GPAT4: variants seen among roughly 807,000 people sequenced by gnomAD.
GPAT4 encodes the protein 1-AGP acyltransferase 6.
In GPAT4, 17 loss-of-function variants were observed where a neutral mutation model predicts 58.0. That is an observed-to-expected ratio of 0.29 (90% CI 0.20 to 0.44). The LOEUF is 0.44. GPAT4 is among the 20% of genes least tolerant of loss of function. The pLI is 1.00. For missense variants in GPAT4, 377 were observed against 574.5 expected, an observed-to-expected ratio of 0.66 and a Z score of 3.51; for synonymous variants, 204 against 210.1, an observed-to-expected ratio of 0.97 and a Z score of 0.25.
chr8:41,581,584 C>T (rs62509797), intron 1 of GPAT4, among the ~76,000 whole-genome samples: 21,086 of 148,332 alleles, frequency 0.14, 1,577 homozygotes, highest in Middle Eastern at 0.21. Context: ...CCCAAAGGGT[C>T]GGAATTACAG....
chr8:41,609,330 G>A, intron 2 of GPAT4, 86 bp from the exon 3 acceptor site: 3 of 1,385,008 alleles, frequency 2.2e-6, no homozygotes, highest in African/African-American at 1.4e-5. Context: ...TGGGACTGAG[G>A]CTTTCACAGA....
chr8:41,622,624 G>A lies in GPAT4; in HGVS notation c.*1623G>A, dbSNP rs1219524422. 1.3e-5 allele frequency: 2 copies of A among 152,370 alleles called. No homozygotes were observed. The highest frequency in any genetic ancestry group is 2.4e-5 in the African/African-American group (1 of 41,454). 9.4% of individuals were successfully genotyped at this position (152,370 alleles called of 1,614,324 possible). ...GGCCTGCAGTTCAGGGAGTGGGTGG[G>A]AGTGAAGCTGTGCTCCTGGGGCTGC... On this transcript the variant is annotated 3_prime_UTR_variant, in exon 13 of 13. Coordinates refer to ENST00000396987, the MANE Select transcript of GPAT4 (RefSeq NM_178819.4).
chr8:41,603,748 T>C (rs1803171608), intron 2 of GPAT4, among the ~76,000 whole-genome samples: 1 of 152,030 alleles, frequency 6.6e-6, no homozygotes, highest in African/African-American at 2.4e-5. Context: ...CTCAGGCCGC[T>C]TGCCCCTGGA....
chr8:41,585,054 C>G (rs1204313533), intron 1 of GPAT4: 1 of 152,234 alleles, frequency 6.6e-6, no homozygotes, highest in Non-Finnish European at 1.5e-5. Context: ...GCTCTGAGAG[C>G]TGCCCTGTTT....
In GPAT4 at chr8:41,621,073, C is replaced by A; in HGVS notation, c.*72C>A. ...TCAGAGCTGGAGTTGCCGCCGCCGC[C>A]CCCACTGCTGTGTCCTTTCCAGACT... On this transcript the variant is annotated 3_prime_UTR_variant, in exon 13 of 13. Transcript: ENST00000396987. 1 of 1,538,232 alleles carries A rather than the reference C, an allele frequency of 6.5e-7. No homozygotes were observed.
At chr8:41,580,812 G>T (rs1187964167) in intron 1 of GPAT4, among the ~76,000 whole-genome samples, 1 of 152,202 alleles carries the variant, frequency 6.6e-6, no homozygotes, top group South Asian at 2.1e-4. Context: ...GAGGAGGGAG[G>T]AGGAGGCAAC....
In GPAT4 at chr8:41,624,862, T is replaced by TA. The variant is rs1265051836; in HGVS notation, c.*3862dup. ...TGGCTGCCGGGGGGTGGGCTTCTCA[T>TA]ATGCATTCTGGCCGGCCAGCTGCAT... On this transcript the variant is annotated 3_prime_UTR_variant, in exon 13 of 13. Coordinates refer to ENST00000396987, the MANE Select transcript of GPAT4 (RefSeq NM_178819.4). 2.0e-5 allele frequency: 3 copies of TA among 152,194 alleles called. No individual in the cohort carries two copies. The highest frequency in any genetic ancestry group is 7.2e-5 in the African/African-American group (3 of 41,448). 9.4% of individuals were successfully genotyped at this position (152,194 alleles called of 1,614,324 possible). A position where few individuals can be genotyped will look rare whatever the true frequency, so the allele number is the denominator to read the frequency against.
At chr8:41,601,802 A>G (rs577086343) in intron 2 of GPAT4, among the ~76,000 whole-genome samples, 1 of 152,368 alleles carries the variant, frequency 6.6e-6, no homozygotes, top group Non-Finnish European at 1.5e-5. Context: ...ATTATTTAAA[A>G]TGTACATCCC....
chr8:41,591,001 T>C (rs1378703059), intron 1 of GPAT4, among the ~76,000 whole-genome samples: 2 of 152,174 alleles, frequency 1.3e-5, no homozygotes. Flanking sequence ...GAAAGGGTTT[T>C]ATTCAGCTGG....
intron 1 of GPAT4, among the ~76,000 whole-genome samples, chr8:41,588,415 T>C (rs1472275644): frequency 2.0e-5 from 3 of 152,086 alleles, no homozygotes; most frequent in South Asian, 2.1e-4. Flanking sequence ...TGGGAGAGAA[T>C]TGGTATAGAT....
intron 1 of GPAT4, among the ~76,000 whole-genome samples, chr8:41,591,279 G>A (rs7823230): frequency 0.23 from 35,260 of 152,046 alleles, 4,140 homozygotes; most frequent in East Asian, 0.29. Context: ...TAACTACCAG[G>A]CCCAGGGTGT....
intron 2 of GPAT4, among the ~76,000 whole-genome samples, chr8:41,605,064 G>A (rs1398337123): frequency 6.6e-6 from 1 of 152,182 alleles, no homozygotes; most frequent in African/African-American, 2.4e-5. Context: ...AATAGCTCCA[G>A]GTTTTGTCAT....
intron 8 of GPAT4, among the ~76,000 whole-genome samples, chr8:41,613,577 C>T (rs1803506168): frequency 6.6e-6 from 1 of 152,110 alleles, no homozygotes; most frequent in Non-Finnish European, 1.5e-5. Context: ...GCCCTGTTTT[C>T]AAACTTTAAG....
At chr8:41,605,065 G>T (rs1337693481) in intron 2 of GPAT4, among the ~76,000 whole-genome samples, 1 of 152,168 alleles carries the variant, frequency 6.6e-6, no homozygotes, top group Non-Finnish European at 1.5e-5. Flanking sequence ...ATAGCTCCAG[G>T]TTTTGTCATT....
chr8:41,610,373 C>G lies in GPAT4; in HGVS notation c.537-363C>G. Reference sequence around the variant, plus strand: ...ATGCTAATACCTTCAAGCTCCACCTCCTGTTGCTTCAGAGGGAAGCTGTGC... The same window carrying G: ...ATGCTAATACCTTCAAGCTCCACCTGCTGTTGCTTCAGAGGGAAGCTGTGC... On this transcript the variant is annotated intron_variant, in intron 4 of 12. Coordinates refer to ENST00000396987, the MANE Select transcript of GPAT4 (RefSeq NM_178819.4). 2.4e-6 allele frequency: 3 copies of G among 1,227,656 alleles called. No homozygotes were observed. In the South Asian group the frequency reaches 5.1e-5, roughly 21 times the overall value. 76.0% of individuals were successfully genotyped at this position (1,227,656 alleles called of 1,614,324 possible).
intron 2 of GPAT4, among the ~76,000 whole-genome samples, chr8:41,600,985 C>G (rs565673543): frequency 5.9e-5 from 9 of 152,086 alleles, no homozygotes; most frequent in Non-Finnish European, 1.3e-4. Context: ...CTGTATGTCT[C>G]TACCATAATT....
rs1230996799 is a variant in GPAT4, at chr8:41,621,363, G to A, written c.*362G>A. On this transcript the variant is annotated 3_prime_UTR_variant, in exon 13 of 13. Coordinates refer to ENST00000396987, the MANE Select transcript of GPAT4 (RefSeq NM_178819.4). ...TCTTGTGCTAGAGATGGCGGTACAA[G>A]AGTCTGTTATGCAAGCCCGTGTGCC... 4 of 228,446 alleles carry A rather than the reference G, an allele frequency of 1.8e-5. No homozygotes were observed. Among genetic ancestry groups the A allele is most frequent in the African/African-American group, 6.8e-5 (3 of 44,272 alleles). 14.2% of individuals were successfully genotyped at this position (228,446 alleles called of 1,614,324 possible).
At chr8:41,612,463 T>C (rs1271687370) in intron 7 of GPAT4, among the ~76,000 whole-genome samples, 190 bp downstream of exon 7, 1 of 152,088 alleles carries the variant, frequency 6.6e-6, no homozygotes, top group Non-Finnish European at 1.5e-5. Flanking sequence ...TGAGTGTGGC[T>C]GGAGAGGATG....
chr8:41,611,479 A>G (rs1803442113), intron 5 of GPAT4, among the ~76,000 whole-genome samples: 1 of 152,216 alleles, frequency 6.6e-6, no homozygotes, highest in African/African-American at 2.4e-5. Context: ...AAATGGTTTG[A>G]AATGTAGGGA....
Sources: allele counts gnomAD v4.1 joint callset (sites outside exome capture counted in the v4.1 genomes callset), GRCh38; gene constraint gnomAD v4.1.1; transcripts MANE v1.5; gene names NCBI Gene and HGNC (gene_info 2026-07-23, HGNC 2026-07-21).